The following LIN7A variants were observed in gnomAD, a reference collection of about 807,000 sequenced individuals.
The protein encoded by LIN7A is protein lin-7 homolog A.
In LIN7A, 25 loss-of-function variants were observed where a neutral mutation model predicts 29.8. That is an observed-to-expected ratio of 0.84 (90% CI 0.61 to 1.17). The LOEUF (loss-of-function observed/expected upper bound fraction) is 1.17, where lower values mean the gene tolerates loss of function less well. Among genes scored for constraint, LIN7A ranks in the 50% most tolerant of loss-of-function variants. The pLI is 0.00. For missense variants in LIN7A, 239 were observed against 287.0 expected, an observed-to-expected ratio of 0.83 and a Z score of 1.21; for synonymous variants, 118 against 107.5, an observed-to-expected ratio of 1.10 and a Z score of -0.60.
chr12:80,909,457 G>T (rs1876644831), intron 1 of LIN7A, among the ~76,000 whole-genome samples: 1 of 152,100 alleles, frequency 6.6e-6, no homozygotes, highest in Non-Finnish European at 1.5e-5. Flanking sequence ...CATAGGCTGG[G>T]TAATTTATAA....
rs1284793759 is a variant in LIN7A, at chr12:80,870,109, T to C, written c.201+19142A>G. ...ATTCCTAATAGAGTGGGGCTTCTCC[T>C]AGGATCTCAATGCACATGGTATGTC... is the stretch of plus-strand genomic sequence containing the variant. On this transcript the variant is annotated intron_variant, in intron 2 of 5. Transcript: ENST00000552864. Among the ~76,000 whole-genome samples the C allele has an allele frequency of 3.9e-5, 6 of 152,156 alleles. No homozygotes were observed. The East Asian group carries it at 1.2e-3, about 29-fold the overall frequency.
chr12:80,850,671 T>C (rs978852050), intron 2 of LIN7A, among the ~76,000 whole-genome samples: 8 of 152,140 alleles, frequency 5.3e-5, no homozygotes, highest in African/African-American at 1.9e-4. Flanking sequence ...GAACAAAGAA[T>C]TATCTGCCAA....
Position 80,807,077 on chromosome 12 carries a change from T to TTTTTTTTTTTTTG in LIN7A, c.*4387_*4388insCAAAAAAAAAAAA, listed in dbSNP as rs1555221365. ...ATGAAGATGGAGTTTTTTTTTTTTT[T>TTTTTTTTTTTTTG]TTTTTTTTTTTTTTGACGGAGTCTC... On this transcript the variant is annotated intron_variant, in intron 5 of 5. Coordinates refer to ENST00000552864, the MANE Select transcript of LIN7A (RefSeq NM_004664.4). 1.2e-3 allele frequency among the ~76,000 whole-genome samples: 143 copies of TTTTTTTTTTTTTG among 115,556 alleles called. 9 individuals are homozygous for TTTTTTTTTTTTTG. The highest frequency in any genetic ancestry group is 8.4e-3 in the Middle Eastern group (2 of 238). 75.8% of individuals were successfully genotyped at this position (115,556 alleles called of 152,430 possible).
chr12:80,934,270 G>C (rs1878082340), intron 1 of LIN7A, among the ~76,000 whole-genome samples: 1 of 152,086 alleles, frequency 6.6e-6, no homozygotes, highest in Non-Finnish European at 1.5e-5. Flanking sequence ...CCCACAATAG[G>C]GTCTGGCTTA....
At chr12:80,907,367 T>C (rs953376571) in intron 1 of LIN7A, among the ~76,000 whole-genome samples, 14 of 152,210 alleles carry the variant, frequency 9.2e-5, no homozygotes, top group Non-Finnish European at 2.1e-4. Flanking sequence ...ACATATGTGC[T>C]TAACCTACTA....
intron 2 of LIN7A, among the ~76,000 whole-genome samples, chr12:80,854,431 A>G (rs1413425056): frequency 2.0e-5 from 3 of 150,220 alleles, no homozygotes; most frequent in Non-Finnish European, 4.4e-5. Flanking sequence ...TTAGAAAGGA[A>G]CAACTACTCA....
At chr12:80,851,407 C>T (rs1873327653) in intron 2 of LIN7A, among the ~76,000 whole-genome samples, 2 of 143,982 alleles carry the variant, frequency 1.4e-5, no homozygotes, top group Non-Finnish European at 3.0e-5. Flanking sequence ...AGCTGGTTTT[C>T]AAAAGTGAGC....
At chr12:80,861,945 T>C (rs1174019614) in intron 2 of LIN7A, among the ~76,000 whole-genome samples, 1 of 152,206 alleles carries the variant, frequency 6.6e-6, no homozygotes, top group African/African-American at 2.4e-5. Flanking sequence ...GTGAACACTT[T>C]CCCCACTAAT....
intron 1 of LIN7A, among the ~76,000 whole-genome samples, chr12:80,901,395 A>G (rs999623705): frequency 4.6e-5 from 7 of 152,180 alleles, no homozygotes; most frequent in African/African-American, 1.7e-4. Flanking sequence ...TGATCTCTCA[A>G]TAAGTTAAAT....
chr12:80,844,968 A>G (rs983839334), intron 4 of LIN7A, among the ~76,000 whole-genome samples: 4 of 152,078 alleles, frequency 2.6e-5, no homozygotes, highest in Admixed American at 6.6e-5. Flanking sequence ...GCCGGGCGCG[A>G]TGGTTCACGC....
intron 1 of LIN7A, among the ~76,000 whole-genome samples, chr12:80,896,107 A>G (rs1055418574): frequency 6.6e-6 from 1 of 152,208 alleles, no homozygotes; most frequent in Admixed American, 6.5e-5. Flanking sequence ...TAAGATCGTC[A>G]TGGAAGCCAA....
At chr12:80,895,859 A>C (rs1349423600) in intron 1 of LIN7A, among the ~76,000 whole-genome samples, 4 of 152,204 alleles carry the variant, frequency 2.6e-5, no homozygotes, top group Non-Finnish European at 5.9e-5. Context: ...AGTAGGAAGA[A>C]GGAAAGGACA....
chr12:80,916,837 C>T (rs1336920229), intron 1 of LIN7A, among the ~76,000 whole-genome samples: 1 of 152,042 alleles, frequency 6.6e-6, no homozygotes, highest in Non-Finnish European at 1.5e-5. Context: ...GAAGAGCTTT[C>T]CCGCAGAGAG....
chr12:80,904,573 G>A (rs1290558709), intron 1 of LIN7A, among the ~76,000 whole-genome samples: 8 of 152,070 alleles, frequency 5.3e-5, no homozygotes, highest in African/African-American at 1.9e-4. Context: ...TTAACATCAT[G>A]TCTTTCAGAT....
chr12:80,845,437 G>A (rs1319922657), intron 4 of LIN7A: 9 of 282,302 alleles, frequency 3.2e-5, no homozygotes, highest in African/African-American at 1.1e-4. Context: ...TGAAATTACT[G>A]TATTCTTGTA....
Position 80,895,925 on chromosome 12 carries a change from G to A in LIN7A, c.83-6556C>T, listed in dbSNP as rs1022296297. ...CTAGCCCTGAACTGTCCAAACCCATGATTCTTGTCTGTGAGAAAAAATATA... is the reference window on the plus strand; with the variant it reads ...CTAGCCCTGAACTGTCCAAACCCATAATTCTTGTCTGTGAGAAAAAATATA... On this transcript the variant is annotated intron_variant, in intron 1 of 5. Coordinates refer to ENST00000552864, the MANE Select transcript of LIN7A (RefSeq NM_004664.4). Among the ~76,000 whole-genome samples the A allele has an allele frequency of 5.3e-5, 8 of 152,290 alleles. No homozygotes were observed. In the South Asian group the frequency reaches 1.0e-3, roughly 20 times the overall value.
At chr12:80,905,302 G>GTC (rs1325801739) in intron 1 of LIN7A, among the ~76,000 whole-genome samples, 1 of 151,882 alleles carries the variant, frequency 6.6e-6, no homozygotes, top group Non-Finnish European at 1.5e-5. Flanking sequence ...CAATTCTCCT[G>GTC]TCTCAGCCTC....
At chr12:80,927,997 G>A (rs944269589) in intron 1 of LIN7A, among the ~76,000 whole-genome samples, 1 of 152,036 alleles carries the variant, frequency 6.6e-6, no homozygotes, top group Non-Finnish European at 1.5e-5. Context: ...TGAGAATGAT[G>A]GTTTCCAGCT....
intron 2 of LIN7A, among the ~76,000 whole-genome samples, chr12:80,849,324 A>G (rs913241696): frequency 1.3e-5 from 2 of 152,176 alleles, no homozygotes; most frequent in African/African-American, 2.4e-5. Flanking sequence ...GAAATGCATT[A>G]TTTTGTTTCA....
Sources: gnomAD v4.1 joint callset for allele counts (sites outside exome capture counted in the v4.1 genomes callset) on GRCh38, gnomAD v4.1.1 for gene constraint, MANE v1.5 for transcripts, NCBI Gene and HGNC (gene_info 2026-07-23, HGNC 2026-07-21) for gene names.